Variants in GDA observed in about 807,000 individuals in gnomAD.
GDA encodes the protein cytoplasmic PSD-95 interactor.
Under a neutral mutation model 59.6 loss-of-function variants are expected in GDA, and 18 were observed. The observed-to-expected ratio is 0.30, with a 90% CI of 0.21 to 0.45. The LOEUF (loss-of-function observed/expected upper bound fraction) is 0.45. Among genes scored for constraint, GDA ranks in the 20% least tolerant of loss-of-function variants. The pLI, the probability that GDA is intolerant of heterozygous loss-of-function variation, is 1.00. For missense variants in GDA, 427 were observed against 552.3 expected (o/e 0.77, Z 2.27); for synonymous variants, 201 against 201.1 (o/e 1.00, Z 0.00).
chr9:72,131,379 A>G (rs1479711049), intron 1 of GDA, among the ~76,000 whole-genome samples: 1 of 152,140 alleles, frequency 6.6e-6, no homozygotes, highest in Non-Finnish European at 1.5e-5. Flanking sequence ...GCATTAGACC[A>G]TTCTTTTGTA....
intron 10 of GDA, among the ~76,000 whole-genome samples, chr9:72,236,214 T>A (rs1259410266): frequency 6.6e-6 from 1 of 152,172 alleles, no homozygotes; most frequent in Non-Finnish European, 1.5e-5. Flanking sequence ...ATCTCAAAAG[T>A]CCCCTTCTCA....
intron 1 of GDA, among the ~76,000 whole-genome samples, chr9:72,156,786 A>T (rs369276746): frequency 1.3e-5 from 2 of 152,292 alleles, no homozygotes; most frequent in South Asian, 4.2e-4. Flanking sequence ...GCTGAGGGTG[A>T]CTAGTGATAA....
At chr9:72,228,489 A>T (rs144917784) in intron 9 of GDA, 6 of 157,428 alleles carry the variant, frequency 3.8e-5, no homozygotes, top group African/African-American at 1.4e-4. Context: ...CACACAGGCA[A>T]GCCCAGGAGG....
rs542003145 is a variant in GDA, at chr9:72,164,643, G to A, written c.123+14961G>A. On this transcript the variant is annotated intron_variant, in intron 1 of 13. Coordinates refer to ENST00000358399, the MANE Select transcript of GDA (RefSeq NM_004293.5). ...GTTATTCCCACTGCTTAAGTTATCA[G>A]AGGACTTTTATACAAACATTTGCAT... Among the ~76,000 whole-genome samples the A allele has an allele frequency of 3.0e-3, 460 of 152,266 alleles. 3 individuals are homozygous for A. The highest frequency in any genetic ancestry group is 5.1e-3 in the Non-Finnish European group (346 of 68,018).
At chr9:72,145,381 A>G (rs1826590870), upstream of GDA, among the ~76,000 whole-genome samples, 1 of 152,206 alleles carries the variant, frequency 6.6e-6, no homozygotes, top group Admixed American at 6.5e-5. Flanking sequence ...TCCATCCTAT[A>G]TTAACTGCAC....
intron 3 of GDA, among the ~76,000 whole-genome samples, chr9:72,203,524 TACTCC>T (rs1252797074): frequency 6.6e-6 from 1 of 152,206 alleles, no homozygotes; most frequent in Admixed American, 6.5e-5. Flanking sequence ...GTTCCTTTCT[TACTCC>T]AATCCTGTGC....
chr9:72,196,035 G>A (rs578165273), intron 2 of GDA, among the ~76,000 whole-genome samples: 5 of 152,250 alleles, frequency 3.3e-5, no homozygotes, highest in East Asian at 1.9e-4. Context: ...AAGAAGTAGG[G>A]AGGAAAGAAA....
chr9:72,219,941 GC>G (rs1159414341), intron 6 of GDA, among the ~76,000 whole-genome samples: 1 of 152,102 alleles, frequency 6.6e-6, no homozygotes, highest in Non-Finnish European at 1.5e-5. Flanking sequence ...TCCAAAAGAT[GC>G]AAAATAAGCA....
At chr9:72,123,072 T>C (rs1244294474) in intron 1 of GDA, among the ~76,000 whole-genome samples, 4 of 152,218 alleles carry the variant, frequency 2.6e-5, no homozygotes, top group African/African-American at 9.6e-5. Flanking sequence ...TTAGAAGTTC[T>C]CTTTTGTTCC....
chr9:72,200,158 T>C (rs888998816), intron 2 of GDA, among the ~76,000 whole-genome samples: 22 of 151,846 alleles, frequency 1.4e-4, no homozygotes, highest in South Asian at 2.1e-4. Context: ...CCACCACGCC[T>C]GGCTAATTTT....
intron 1 of GDA, among the ~76,000 whole-genome samples, chr9:72,186,287 G>A (rs1002346915): frequency 2.0e-5 from 3 of 152,124 alleles, no homozygotes; most frequent in Non-Finnish European, 2.9e-5. Flanking sequence ...TCTTCTATCA[G>A]TCTTTCTTGT....
rs1380257912 is a variant in GDA, at chr9:72,251,669, G to C, written c.*3327G>C. On this transcript the variant is annotated 3_prime_UTR_variant, in exon 14 of 14. Transcript: ENST00000358399. The stretch of plus-strand genomic sequence containing the variant: ...ATTTTTTTTTTTTGGACAGCTTCAA[G>C]GAGATGTTAGCAATTTCAGATATAC... 1 of 151,822 alleles carries C rather than the reference G, an allele frequency of 6.6e-6. No individual in the cohort carries two copies. Among genetic ancestry groups the C allele is most frequent in the Non-Finnish European group, 1.5e-5 (1 of 67,960 alleles). 9.4% of individuals were successfully genotyped at this position (151,822 alleles called of 1,614,324 possible). A position where few individuals can be genotyped will look rare whatever the true frequency, so the allele number is the denominator to read the frequency against.
intron 6 of GDA, among the ~76,000 whole-genome samples, chr9:72,222,805 C>A (rs1021484744): frequency 6.6e-6 from 1 of 151,876 alleles, no homozygotes; most frequent in Non-Finnish European, 1.5e-5. Context: ...CTCCTAGGTT[C>A]AAGCAGTTCC....
intron 3 of GDA, among the ~76,000 whole-genome samples, chr9:72,209,606 C>T (rs952301550): frequency 4.6e-5 from 7 of 151,982 alleles, no homozygotes; most frequent in Admixed American, 2.6e-4. Context: ...ATTCTTTCTC[C>T]CCCTCCTTAT....
rs915206323 is a variant in GDA, at chr9:72,249,355, C to T, written c.*1013C>T. ...ATACTCAGATATCAGTCTGCTAGAA[C>T]TTTAAAATGAAGGACAAATCCTGTT... On this transcript the variant is annotated 3_prime_UTR_variant, in exon 14 of 14. Transcript: ENST00000358399. 8 of 974,334 alleles carry T rather than the reference C, an allele frequency of 8.2e-6. No individual in the cohort carries two copies. The Admixed American group carries it at 4.9e-4, about 60-fold the overall frequency. The allele number at this position is 974,334 out of a possible 1,614,324, so 60.4% of individuals were successfully genotyped here.
At chr9:72,208,588 C>G (rs1352543084) in intron 3 of GDA, among the ~76,000 whole-genome samples, 1 of 152,138 alleles carries the variant, frequency 6.6e-6, no homozygotes, top group East Asian at 1.9e-4. Flanking sequence ...AATGCCCACT[C>G]CCTGGATCCA....
intron 5 of GDA, among the ~76,000 whole-genome samples, chr9:72,214,278 A>T (rs928236263): frequency 8.0e-5 from 12 of 149,256 alleles, no homozygotes; most frequent in South Asian, 2.1e-4. Flanking sequence ...TTTTTTATTT[A>T]TTTTTATTTT....
chr9:72,248,429 T>C lies in GDA; in HGVS notation c.*87T>C. ...CAGGTGGAGTTAGAAAGTCAAAAAA[T>C]AGTACCTTGTTCTTGGGATGACTAT... On this transcript the variant is annotated 3_prime_UTR_variant, in exon 14 of 14. Transcript: ENST00000358399. 1.3e-6 allele frequency: 2 copies of C among 1,594,788 alleles called. No individual in the cohort carries two copies. Among genetic ancestry groups the C allele is most frequent in the Non-Finnish European group, 1.7e-6 (2 of 1,171,134 alleles).
chr9:72,157,125 C>T (rs1021808642), intron 1 of GDA, among the ~76,000 whole-genome samples: 8 of 150,156 alleles, frequency 5.3e-5, no homozygotes, highest in African/African-American at 1.2e-4. Context: ...CTGCAACATC[C>T]GCCTCCTGGG....
Sources: gnomAD v4.1 joint callset for allele counts (sites outside exome capture counted in the v4.1 genomes callset) on GRCh38, gnomAD v4.1.1 for gene constraint, MANE v1.5 for transcripts, NCBI Gene and HGNC (gene_info 2026-07-23, HGNC 2026-07-21) for gene names.